RIF1: variants seen among roughly 807,000 people sequenced by gnomAD.
The protein encoded by RIF1 is telomere-associated protein RIF1.
RIF1 carries 45 observed loss-of-function variants against 247.1 expected under a neutral mutation model. The ratio of observed to expected loss-of-function variants is 0.18; its 90% CI spans 0.14 to 0.23. RIF1 has a LOEUF of 0.23. RIF1 is among the 10% of genes least tolerant of loss of function. The probability of loss-of-function intolerance (pLI) is 1.00; values close to 1 mark genes in which losing one functional copy is unlikely to be tolerated. For synonymous variants in RIF1, 1,087 were observed against 978.8 expected (o/e 1.11, Z -2.06); for missense variants, 2,967 against 2,862.5 (o/e 1.04, Z -0.83).
intron 6 of RIF1, 57 bp from the exon 7 acceptor site, chr2:151,420,132 CT>C: frequency 6.8e-7 from 1 of 1,471,652 alleles, no homozygotes; most frequent in Non-Finnish European, 9.3e-7. Context: ...TATTTTACTG[CT>C]TGTTTAGACT....
chr2:151,433,653 C>T lies in RIF1; in HGVS notation c.1077+425C>T, dbSNP rs116300240. ...ATTTTTTAGTGTAGATAGGGTTTTA[C>T]CATGGTGGCCAGGCTGGTCTCGCAC... On this transcript the variant is annotated intron_variant, in intron 10 of 35. Transcript: ENST00000444746. Among the ~76,000 whole-genome samples the T allele has an allele frequency of 8.5e-3, 1,286 of 151,932 alleles. 25 individuals carry two copies. The highest frequency in any genetic ancestry group is 0.03 in the African/African-American group (1,226 of 41,440).
In RIF1 at chr2:151,475,512, C is replaced by G. The variant is rs2048886275; in HGVS notation, c.*441C>G. 2.4e-5 allele frequency: 4 copies of G among 166,558 alleles called. 1 individual carries two copies. In the South Asian group the frequency reaches 5.8e-4, roughly 24 times the overall value. The allele number at this position is 166,558 out of a possible 1,614,324, so 10.3% of individuals were successfully genotyped here. ...TTTGTTTAATTCATGTTTGTTGGGA[C>G]TGAGGTTTAGGAAGTTTGTTACTGG... On this transcript the variant is annotated 3_prime_UTR_variant, in exon 36 of 36. Transcript: ENST00000444746.
intron 9 of RIF1, among the ~76,000 whole-genome samples, chr2:151,490,958 T>A (rs1295713046): frequency 6.6e-6 from 1 of 152,210 alleles, no homozygotes; most frequent in Non-Finnish European, 1.5e-5. Context: ...CATGTCAGAA[T>A]GCAACCATGG....
At chr2:151,459,934 C>A in intron 25 of RIF1, 66 bp from the exon 26 acceptor site, 3 of 1,275,048 alleles carry the variant, frequency 2.4e-6, no homozygotes, top group African/African-American at 1.6e-5. Flanking sequence ...ATTTTCAAAA[C>A]GTGAAAAGGA....
chr2:151,443,381 A>G (rs1292012178), intron 17 of RIF1, 52 bp downstream of exon 17: 17 of 1,360,534 alleles, frequency 1.2e-5, no homozygotes, highest in Non-Finnish European at 1.7e-5. Flanking sequence ...TATGTAATGA[A>G]TGAGATTATT....
intron 19 of RIF1, 151 bp from the exon 20 acceptor site, chr2:151,446,275 A>G: frequency 1.4e-6 from 1 of 712,034 alleles, no homozygotes; most frequent in Admixed American, 2.9e-5. Context: ...CTGGGGTTAC[A>G]GGCGTGAGCC....
intron 8 of RIF1, among the ~76,000 whole-genome samples, chr2:151,424,269 A>G (rs1688635018): frequency 1.3e-5 from 2 of 152,086 alleles, no homozygotes; most frequent in Non-Finnish European, 1.5e-5. Context: ...ATGTCCGGCT[A>G]ATTTTTGTGT....
In RIF1 at chr2:151,506,844, T is replaced by G. The variant is rs901916322; in HGVS notation, c.*1027+469T>G. 9 of 1,060,084 alleles carry G rather than the reference T, an allele frequency of 8.5e-6. No homozygotes were observed. In the African/African-American group the frequency reaches 1.4e-4, roughly 17 times the overall value. 65.7% of individuals were successfully genotyped at this position (1,060,084 alleles called of 1,614,324 possible). On this transcript the variant is annotated intron_variant and NMD_transcript_variant, in intron 13 of 13. Coordinates refer to the RIF1 transcript ENST00000454583. ...TGTGTGTATCAATATAAGGCTAGTA[T>G]ATTTTTAAAGAGGAGAGTGAAATGA... is the stretch of plus-strand genomic sequence containing the variant.
intron 9 of RIF1, among the ~76,000 whole-genome samples, chr2:151,489,651 C>T (rs1305707608): frequency 3.3e-5 from 5 of 152,124 alleles, no homozygotes; most frequent in African/African-American, 4.8e-5. Flanking sequence ...CCTGCATCAG[C>T]GTCCCAAAGT....
At chr2:151,503,000 T>G (rs1481193022) in intron 11 of RIF1, 2 of 648,284 alleles carry the variant, frequency 3.1e-6, no homozygotes, top group Non-Finnish European at 5.4e-6. Context: ...GTAAGTAATA[T>G]TTAGTAAGGA....
chr2:151,442,180 A>G (rs1275353268), intron 16 of RIF1, among the ~76,000 whole-genome samples, 189 bp downstream of exon 16: 6 of 151,550 alleles, frequency 4.0e-5, no homozygotes, highest in Admixed American at 1.3e-4. Context: ...GGTTCAAGCT[A>G]TTCTCCTGCC....
Position 151,463,171 on chromosome 2 carries a change from G to T in RIF1, c.3651G>T (p.Arg1217=). ...GAACTCCCCCATACCCTACAAGTCG[G>T]AGGCAAACCTTTATTACTTTGGAGA... ...VAGTPPYPTS[R]RQTFITLEKF... The change falls in exon 30 of 36, where the codon CGG becomes CGT. Residue 1217 remains arginine (R), a synonymous_variant. Transcript: ENST00000444746. The T allele has an allele frequency of 6.2e-7, 1 of 1,614,146 alleles. No individual in the cohort carries two copies.
At chr2:151,445,972 C>T (rs999309877) in intron 19 of RIF1, among the ~76,000 whole-genome samples, 1 of 152,164 alleles carries the variant, frequency 6.6e-6, no homozygotes, top group African/African-American at 2.4e-5. Context: ...TTCAGTTAGA[C>T]CTCTGGGATG....
Position 151,480,904 on chromosome 2 carries a change from CT to C in RIF1, c.*5834del, listed in dbSNP as rs537007272. On this transcript the variant is annotated 3_prime_UTR_variant, in exon 36 of 36. Coordinates refer to ENST00000444746, the MANE Select transcript of RIF1 (RefSeq NM_018151.5). ...ACAGATTGGTAAACTAGCATGCCAC[CT>C]GTTTTTTGTACTATCTGTGAGCTGA... 114 of 152,222 alleles carry C rather than the reference CT, an allele frequency of 7.5e-4. 1 individual carries two copies. The highest frequency in any genetic ancestry group is 2.7e-3 in the African/African-American group (112 of 41,548). The allele number at this position is 152,222 out of a possible 1,614,324, so 9.4% of individuals were successfully genotyped here.
In RIF1 at chr2:151,435,478, A is replaced by G; in HGVS notation, c.1093A>G (p.Ile365Val). ...TACCCCATAGGTTTGTGTGCCTCTG[A>G]TTCAAAGTACAATAAGCATTGATTC... is the stretch of plus-strand genomic sequence containing the variant. ...ANFEQVCVPL[I>V]QSTISIDSNA... is the part of the protein sequence containing the mutation. The change falls in exon 11 of 36, where the codon ATT (isoleucine) becomes GTT (valine). Residue 365 changes from isoleucine to valine, a missense_variant. Transcript: ENST00000444746. The G allele has an allele frequency of 1.2e-6, 2 of 1,608,124 alleles. No homozygotes were observed. Among genetic ancestry groups the G allele is most frequent in the Non-Finnish European group, 1.7e-6 (2 of 1,174,720 alleles).
intron 9 of RIF1, among the ~76,000 whole-genome samples, chr2:151,489,392 A>G (rs2054156214): frequency 6.6e-6 from 1 of 152,166 alleles, no homozygotes; most frequent in South Asian, 2.1e-4. Context: ...GGCACATTGC[A>G]TACATCTATA....
chr2:151,428,632 C>G, intron 8 of RIF1, 152 bp from the exon 9 acceptor site: 1 of 641,762 alleles, frequency 1.6e-6, no homozygotes, highest in Non-Finnish European at 2.7e-6. Context: ...TTTAACACAT[C>G]TCTTTATGTT....
At chr2:151,486,036 G>A (rs4602223), downstream of RIF1, 5,210 of 1,223,158 alleles carry the variant, frequency 4.3e-3, 204 homozygotes, top group African/African-American at 0.07. Flanking sequence ...ACAAACTTAA[G>A]TTGAACAAAA....
At chr2:151,460,680 A>T (rs1161808781) in intron 26 of RIF1, among the ~76,000 whole-genome samples, 1 of 152,216 alleles carries the variant, frequency 6.6e-6, no homozygotes, top group Non-Finnish European at 1.5e-5. Flanking sequence ...TACCTCTGCC[A>T]CATTCTTGTA....
Sources: allele counts gnomAD v4.1 joint callset (sites outside exome capture counted in the v4.1 genomes callset), GRCh38; gene constraint gnomAD v4.1.1; transcripts MANE v1.5; gene names NCBI Gene and HGNC (gene_info 2026-07-23, HGNC 2026-07-21).